The following L3MBTL4 variants were observed in gnomAD, a reference collection of about 807,000 sequenced individuals.
L3MBTL4 encodes lethal(3)malignant brain tumor-like protein 4.
L3MBTL4 carries 70 observed loss-of-function variants against 84.5 expected under a neutral mutation model. That is an observed-to-expected ratio of 0.83 (90% CI 0.68 to 1.01). The LOEUF (loss-of-function observed/expected upper bound fraction) is 1.01, where lower values mean the gene tolerates loss of function less well. L3MBTL4 is among the 50% of genes least tolerant of loss of function. The probability of loss-of-function intolerance (pLI) is 0.00; values close to 1 mark genes in which losing one functional copy is unlikely to be tolerated. For missense variants in L3MBTL4, 715 were observed against 754.8 expected, an observed-to-expected ratio of 0.95 and a Z score of 0.62; for synonymous variants, 274 against 259.8, an observed-to-expected ratio of 1.05 and a Z score of -0.52.
At chr18:6,094,171 G>A (rs889890722) in intron 14 of L3MBTL4, among the ~76,000 whole-genome samples, 10 of 152,152 alleles carry the variant, frequency 6.6e-5, no homozygotes, top group African/African-American at 2.4e-4. Flanking sequence ...CAGGCTATGG[G>A]CAGAAGGATC....
chr18:6,084,161 CTG>C (rs758625629), intron 15 of L3MBTL4, among the ~76,000 whole-genome samples: 5 of 152,206 alleles, frequency 3.3e-5, no homozygotes, highest in Non-Finnish European at 7.3e-5. Flanking sequence ...GTTAGTCTAA[CTG>C]TACCTAGACA....
At chr18:6,216,703 A>C (rs951092495) in intron 10 of L3MBTL4, among the ~76,000 whole-genome samples, 5 of 152,192 alleles carry the variant, frequency 3.3e-5, no homozygotes, top group Non-Finnish European at 7.4e-5. Context: ...ATTTTTTAAA[A>C]ATATGTATTC....
Position 5,956,032 on chromosome 18 carries a change from C to A in L3MBTL4, c.*188G>T. 1 of 574,088 alleles carries A rather than the reference C, an allele frequency of 1.7e-6. No homozygotes were observed. Among genetic ancestry groups the A allele is most frequent in the Non-Finnish European group, 3.1e-6 (1 of 327,480 alleles). The allele number at this position is 574,088 out of a possible 1,614,324, so 35.6% of individuals were successfully genotyped here. A position where few individuals can be genotyped will look rare whatever the true frequency, so the allele number is the denominator to read the frequency against. Reference sequence around the variant, plus strand: ...AACCAAACCCACAGATGGGCCTAAGCCTCTGAGTCATTGGCACTGGACCAG... The same window carrying A: ...AACCAAACCCACAGATGGGCCTAAGACTCTGAGTCATTGGCACTGGACCAG... On this transcript the variant is annotated 3_prime_UTR_variant, in exon 19 of 19. Coordinates refer to ENST00000317931, the MANE Select transcript of L3MBTL4 (RefSeq NM_001330559.2).
intron 11 of L3MBTL4, among the ~76,000 whole-genome samples, chr18:6,213,722 T>C (rs2046210984): frequency 6.6e-6 from 1 of 152,150 alleles, no homozygotes; most frequent in Admixed American, 6.6e-5. Context: ...AGAACTTAGT[T>C]TTAAGAGCAC....
rs144941763 is a variant in L3MBTL4, at chr18:6,408,488, C to T, written c.-91+6313G>A. On this transcript the variant is annotated intron_variant, in intron 1 of 18. Transcript: ENST00000317931. The stretch of plus-strand genomic sequence containing the variant: ...CAGTATTTTAAATACAGAGACTTCA[C>T]ATTTTTAAAACTGCAGATTTCCAAC... 6.3e-3 allele frequency among the ~76,000 whole-genome samples: 964 copies of T among 152,216 alleles called. 14 individuals are homozygous for T. The highest frequency in any genetic ancestry group is 0.021 in the African/African-American group (870 of 41,524).
chr18:6,065,386 C>T (rs62076859), intron 16 of L3MBTL4, among the ~76,000 whole-genome samples: 14,717 of 151,734 alleles, frequency 0.097, 1,157 homozygotes, highest in African/African-American at 0.22. Context: ...GGAAGGATTC[C>T]TTCTTTATCT....
chr18:6,392,453 G>T (rs147409775), intron 1 of L3MBTL4, among the ~76,000 whole-genome samples: 11 of 152,306 alleles, frequency 7.2e-5, no homozygotes, highest in African/African-American at 2.4e-4. Flanking sequence ...GGAGGCTGAG[G>T]CAGCAGAATC....
intron 1 of L3MBTL4, among the ~76,000 whole-genome samples, chr18:6,369,576 A>G (rs1220922479): frequency 6.6e-6 from 1 of 152,102 alleles, no homozygotes. Flanking sequence ...GCTCAGATAC[A>G]CGGAAGGCAA....
At chr18:6,204,877 T>C (rs1262466584) in intron 12 of L3MBTL4, among the ~76,000 whole-genome samples, 1 of 152,242 alleles carries the variant, frequency 6.6e-6, no homozygotes, top group Non-Finnish European at 1.5e-5. Flanking sequence ...GCTCCTGGGA[T>C]GGTCTCTTTC....
At chr18:6,230,800 T>C (rs974018121) in intron 10 of L3MBTL4, among the ~76,000 whole-genome samples, 2 of 152,188 alleles carry the variant, frequency 1.3e-5, no homozygotes, top group African/African-American at 4.8e-5. Flanking sequence ...TGGTGTGAGA[T>C]AGTCTCTCAT....
chr18:6,212,619 G>T (rs190608969), intron 12 of L3MBTL4, among the ~76,000 whole-genome samples: 113 of 152,202 alleles, frequency 7.4e-4, no homozygotes, highest in African/African-American at 2.6e-3. Flanking sequence ...ATTTGACAAA[G>T]AAAAGCAGGA....
chr18:6,243,569 GAAGA>G (rs1234990117), intron 6 of L3MBTL4, 140 bp from the exon 7 acceptor site: 12 of 608,560 alleles, frequency 2.0e-5, no homozygotes, highest in Non-Finnish European at 3.1e-5. Flanking sequence ...TTCCATTAAA[GAAGA>G]AATTTATGGA....
rs147076548 is a variant in L3MBTL4, at chr18:6,380,074, A to G, written c.-91+34727T>C. ...GGTGTATATGTGCAGGAATTTATCCATCTCTTCTAGATTTTCTAGTTTATT... is the reference window on the plus strand; with the variant it reads ...GGTGTATATGTGCAGGAATTTATCCGTCTCTTCTAGATTTTCTAGTTTATT... On this transcript the variant is annotated intron_variant, in intron 1 of 18. Transcript: ENST00000317931. Among the ~76,000 whole-genome samples the G allele has an allele frequency of 6.2e-4, 95 of 152,296 alleles. 2 individuals are homozygous for G. The East Asian group carries it at 0.017, about 27-fold the overall frequency.
At chr18:6,347,795 C>T (rs1227384637) in intron 1 of L3MBTL4, among the ~76,000 whole-genome samples, 1 of 151,680 alleles carries the variant, frequency 6.6e-6, no homozygotes, top group Non-Finnish European at 1.5e-5. Context: ...ATTAATATTA[C>T]ACTAGATGTC....
intron 4 of L3MBTL4, among the ~76,000 whole-genome samples, chr18:6,278,864 T>TAA (rs76899503): frequency 0.012 from 1,679 of 143,122 alleles, 23 homozygotes; most frequent in African/African-American, 0.041. Flanking sequence ...CGCTTTTACT[T>TAA]AAAAAAAAAA....
intron 1 of L3MBTL4, among the ~76,000 whole-genome samples, chr18:6,376,975 G>A (rs369387113): frequency 2.2e-4 from 33 of 152,174 alleles, no homozygotes; most frequent in African/African-American, 6.5e-4. Context: ...CATTAGTAAC[G>A]CTGACTATCA....
At chr18:6,137,566 C>A (rs1230445300) in intron 14 of L3MBTL4, among the ~76,000 whole-genome samples, 1 of 151,874 alleles carries the variant, frequency 6.6e-6, no homozygotes, top group African/African-American at 2.4e-5. Flanking sequence ...GATATTAATT[C>A]TTTCAGTCTT....
chr18:6,197,743 T>G (rs949477229), intron 12 of L3MBTL4, among the ~76,000 whole-genome samples: 2 of 152,212 alleles, frequency 1.3e-5, no homozygotes, highest in Non-Finnish European at 2.9e-5. Flanking sequence ...TGTCTGTGAT[T>G]CTGTCATCCA....
intron 14 of L3MBTL4, among the ~76,000 whole-genome samples, chr18:6,122,570 G>A (rs967175510): frequency 9.9e-5 from 15 of 152,080 alleles, no homozygotes; most frequent in South Asian, 8.3e-4. Context: ...GCTCTTCCTT[G>A]CCTTCCACCA....
Sources: allele counts gnomAD v4.1 joint callset (sites outside exome capture counted in the v4.1 genomes callset), GRCh38; gene constraint gnomAD v4.1.1; transcripts MANE v1.5; gene names NCBI Gene and HGNC (gene_info 2026-07-23, HGNC 2026-07-21).